Variants in FGGY observed in about 807,000 individuals in gnomAD.
FGGY encodes FGGY carbohydrate kinase domain-containing protein.
In FGGY, 72 loss-of-function variants were observed where a neutral mutation model predicts 71.3. That is an observed-to-expected ratio of 1.01 (90% CI 0.84 to 1.23). The LOEUF (loss-of-function observed/expected upper bound fraction) is 1.23, where lower values mean the gene tolerates loss of function less well. Ranked by LOEUF, FGGY falls within the 50% of genes most tolerant of loss-of-function variation. The probability of loss-of-function intolerance (pLI) is 0.00; values close to 1 mark genes in which losing one functional copy is unlikely to be tolerated. For missense variants in FGGY, 668 were observed against 682.3 expected, an observed-to-expected ratio of 0.98 and a Z score of 0.23; for synonymous variants, 251 against 250.3, an observed-to-expected ratio of 1.00 and a Z score of -0.02.
At chr1:59,364,425 G>A (rs1051798102) in intron 4 of FGGY, among the ~76,000 whole-genome samples, 3 of 152,080 alleles carry the variant, frequency 2.0e-5, no homozygotes, top group African/African-American at 7.2e-5. Flanking sequence ...AGAGAAACTG[G>A]GACAGTTCTT....
chr1:59,400,328 A>G (rs1420280522), intron 5 of FGGY, among the ~76,000 whole-genome samples: 1 of 152,144 alleles, frequency 6.6e-6, no homozygotes, highest in African/African-American at 2.4e-5. Flanking sequence ...CATGCTTACC[A>G]CCTACCTTAA....
intron 6 of FGGY, among the ~76,000 whole-genome samples, chr1:59,472,995 C>G (rs1289967543): frequency 1.3e-5 from 2 of 152,172 alleles, no homozygotes; most frequent in African/African-American, 4.8e-5. Flanking sequence ...TCTGTCAAAA[C>G]AGACCACTCG....
chr1:59,546,873 A>C (rs982700499), intron 7 of FGGY, among the ~76,000 whole-genome samples: 1 of 150,576 alleles, frequency 6.6e-6, no homozygotes, highest in Non-Finnish European at 1.5e-5. Flanking sequence ...TTTAGGATTT[A>C]GTTGGGGTAA....
intron 8 of FGGY, among the ~76,000 whole-genome samples, chr1:59,594,233 T>TA (rs1452708429): frequency 6.6e-6 from 1 of 152,206 alleles, no homozygotes; most frequent in African/African-American, 2.4e-5. Context: ...TTACCAGGAT[T>TA]AACCATACTA....
intron 14 of FGGY, among the ~76,000 whole-genome samples, chr1:59,740,086 T>A (rs148521269): frequency 6.6e-6 from 1 of 152,342 alleles, no homozygotes; most frequent in Non-Finnish European, 1.5e-5. Flanking sequence ...TCCCTCCCTG[T>A]CCTCCTTCAG....
chr1:59,615,116 T>C (rs6587865), intron 9 of FGGY, among the ~76,000 whole-genome samples: 123,432 of 152,126 alleles, frequency 0.81, 50,309 homozygotes, highest in Middle Eastern at 0.91. Context: ...ATCAAGCTAC[T>C]GATGACTTTC....
chr1:59,355,921 GA>G (rs112237654), intron 4 of FGGY, among the ~76,000 whole-genome samples: 9,780 of 146,606 alleles, frequency 0.067, 431 homozygotes, highest in Non-Finnish European at 0.098. Flanking sequence ...CATGTGCTTG[GA>G]AAAAAAAAAT....
chr1:59,353,333 C>G (rs1458568394), intron 4 of FGGY, among the ~76,000 whole-genome samples: 2 of 152,122 alleles, frequency 1.3e-5, no homozygotes, highest in Non-Finnish European at 2.9e-5. Context: ...CATCCTATCA[C>G]TAACTGAGAT....
At chr1:59,732,454 G>A (rs1406938796) in intron 14 of FGGY, among the ~76,000 whole-genome samples, 1 of 152,190 alleles carries the variant, frequency 6.6e-6, no homozygotes, top group Non-Finnish European at 1.5e-5. Flanking sequence ...ACAAGCAGCT[G>A]CTCCCTGTCA....
chr1:59,669,569 T>C (rs1236763052), intron 13 of FGGY, among the ~76,000 whole-genome samples: 1 of 143,462 alleles, frequency 7.0e-6, no homozygotes, highest in Non-Finnish European at 1.5e-5. Flanking sequence ...TTTTTTTGTA[T>C]TTTTTGGTAG....
intron 8 of FGGY, among the ~76,000 whole-genome samples, chr1:59,590,136 A>C (rs1404262035): frequency 6.6e-6 from 1 of 152,188 alleles, no homozygotes; most frequent in Non-Finnish European, 1.5e-5. Context: ...AATACAAACC[A>C]CCATCAGAGA....
chr1:59,712,091 T>C (rs1297242764), intron 14 of FGGY, among the ~76,000 whole-genome samples: 1 of 152,124 alleles, frequency 6.6e-6, no homozygotes, highest in Non-Finnish European at 1.5e-5. Flanking sequence ...GATACAGGCA[T>C]TGGGTAAATA....
intron 15 of FGGY, among the ~76,000 whole-genome samples, chr1:59,760,433 G>A (rs894940343): frequency 3.3e-5 from 5 of 152,276 alleles, no homozygotes; most frequent in Non-Finnish European, 7.4e-5. Context: ...TTCAGGAATT[G>A]TATTTCTGAG....
intron 14 of FGGY, among the ~76,000 whole-genome samples, chr1:59,714,512 C>CT (rs2097827536): frequency 1.3e-5 from 2 of 152,178 alleles, no homozygotes; most frequent in African/African-American, 4.8e-5. Flanking sequence ...AATAGACAGA[C>CT]ATGTGGTGTC....
chr1:59,321,069 T>C (rs1421903311), intron 1 of FGGY, among the ~76,000 whole-genome samples: 1 of 152,228 alleles, frequency 6.6e-6, no homozygotes, highest in Admixed American at 6.5e-5. Flanking sequence ...TAAGCACTTT[T>C]CACAGTGCTT....
chr1:59,445,217 G>GTCC (rs2070956561), intron 5 of FGGY, among the ~76,000 whole-genome samples: 1 of 152,148 alleles, frequency 6.6e-6, no homozygotes, highest in South Asian at 2.1e-4. Flanking sequence ...AGCTTCTGAG[G>GTCC]TATGCACAGC....
chr1:59,532,612 C>G (rs2095177566), intron 7 of FGGY, among the ~76,000 whole-genome samples: 1 of 152,056 alleles, frequency 6.6e-6, no homozygotes, highest in Non-Finnish European at 1.5e-5. Context: ...AGCACATATT[C>G]ATGATTTTTT....
intron 5 of FGGY, among the ~76,000 whole-genome samples, chr1:59,410,052 G>A (rs116220264): frequency 0.019 from 2,948 of 152,222 alleles, 42 homozygotes; most frequent in Non-Finnish European, 0.028. Flanking sequence ...TACACCAGCC[G>A]TCCTTATTAA....
intron 9 of FGGY, among the ~76,000 whole-genome samples, chr1:59,615,607 C>T (rs1323679543): frequency 6.6e-6 from 1 of 152,166 alleles, no homozygotes; most frequent in Non-Finnish European, 1.5e-5. Flanking sequence ...ATGACTAAAA[C>T]ATCAAAAGCA....
Sources: allele counts gnomAD v4.1 joint callset (sites outside exome capture counted in the v4.1 genomes callset), GRCh38; gene constraint gnomAD v4.1.1; transcripts MANE v1.5; gene names NCBI Gene and HGNC (gene_info 2026-07-23, HGNC 2026-07-21).